Variants in SPPL3 observed in about 807,000 individuals in gnomAD.
SPPL3 encodes signal peptide peptidase like 3.
Under a neutral mutation model 42.4 loss-of-function variants are expected in SPPL3, and 5 were observed. That is an observed-to-expected ratio of 0.12 (90% CI 0.06 to 0.25). The LOEUF (loss-of-function observed/expected upper bound fraction) is 0.25. SPPL3 is among the 10% of genes least tolerant of loss of function. The pLI is 1.00. For missense variants in SPPL3, 235 were observed against 489.0 expected, an observed-to-expected ratio of 0.48 and a Z score of 4.90; for synonymous variants, 195 against 181.8, an observed-to-expected ratio of 1.07 and a Z score of -0.58.
intron 1 of SPPL3, among the ~76,000 whole-genome samples, chr12:120,886,319 G>C (rs1393090367): frequency 2.0e-5 from 3 of 152,028 alleles, no homozygotes; most frequent in Non-Finnish European, 4.4e-5. Flanking sequence ...TGATGAAAAA[G>C]GATGTGGTTT....
chr12:120,841,183 G>C (rs1312571698), intron 1 of SPPL3, among the ~76,000 whole-genome samples: 1 of 151,904 alleles, frequency 6.6e-6, no homozygotes, highest in Non-Finnish European at 1.5e-5. Flanking sequence ...AAATTAGCCA[G>C]GTGTGGTGGT....
chr12:120,768,283 C>T, intron 8 of SPPL3, 42 bp downstream of exon 8: 2 of 1,578,474 alleles, frequency 1.3e-6, no homozygotes, highest in Non-Finnish European at 1.7e-6. Flanking sequence ...AACAGATAGG[C>T]ACAGGAAGAC....
chr12:120,901,590 TAAAA>T (rs754148484), intron 1 of SPPL3, among the ~76,000 whole-genome samples: 3 of 103,426 alleles, frequency 2.9e-5, no homozygotes, highest in African/African-American at 1.1e-4. Flanking sequence ...GACTCCGTCC[TAAAA>T]AAAAAAAAAA....
chr12:120,763,290 A>T lies in SPPL3; in HGVS notation c.*1709T>A, dbSNP rs1868738524. 6.6e-6 allele frequency: 1 copy of T among 152,656 alleles called. No homozygotes were observed. The highest frequency in any genetic ancestry group is 1.9e-4 in the East Asian group (1 of 5,198). The allele number at this position is 152,656 out of a possible 1,614,324, so 9.5% of individuals were successfully genotyped here. On this transcript the variant is annotated 3_prime_UTR_variant, in exon 11 of 11. Transcript: ENST00000353487. ...AGAAACCCCTCAGCAGGAATTGATG[A>T]CAACAACAGAGGAATCCAACACCCT...
At chr12:120,781,859 G>A (rs913632428) in intron 6 of SPPL3, among the ~76,000 whole-genome samples, 1 of 151,722 alleles carries the variant, frequency 6.6e-6, no homozygotes, top group Non-Finnish European at 1.5e-5. Context: ...TTACAGGCAT[G>A]AACCACAATG....
chr12:120,856,906 T>G (rs979989293), intron 1 of SPPL3, among the ~76,000 whole-genome samples: 1 of 152,174 alleles, frequency 6.6e-6, no homozygotes, highest in Non-Finnish European at 1.5e-5. Flanking sequence ...GGAATAGCAG[T>G]TGAACTTTAA....
chr12:120,896,214 C>A (rs1873796734), intron 1 of SPPL3, among the ~76,000 whole-genome samples: 1 of 152,150 alleles, frequency 6.6e-6, no homozygotes, highest in South Asian at 2.1e-4. Context: ...AAGATACCTA[C>A]AAAAACTTTT....
chr12:120,873,196 C>T, intron 1 of SPPL3, among the ~76,000 whole-genome samples: 1 of 152,120 alleles, frequency 6.6e-6, no homozygotes, highest in South Asian at 2.1e-4. Flanking sequence ...CTGAGAGTAA[C>T]AGCAGATGAG....
intron 1 of SPPL3, among the ~76,000 whole-genome samples, chr12:120,852,800 A>G: frequency 1.0e-5 from 1 of 98,562 alleles, no homozygotes; most frequent in Non-Finnish European, 2.1e-5. Context: ...TATATCATAT[A>G]TACATATATG....
intron 1 of SPPL3, among the ~76,000 whole-genome samples, chr12:120,837,880 C>T (rs1318747478): frequency 6.6e-6 from 1 of 151,960 alleles, no homozygotes; most frequent in Admixed American, 6.6e-5. Flanking sequence ...ATGGTATAGT[C>T]TCTACTATCC....
chr12:120,780,854 G>A (rs1336218067), intron 6 of SPPL3, among the ~76,000 whole-genome samples: 5 of 151,534 alleles, frequency 3.3e-5, no homozygotes, highest in African/African-American at 9.7e-5. Context: ...AGGCTGCAGC[G>A]AGCCAAGATC....
intron 9 of SPPL3, among the ~76,000 whole-genome samples, 161 bp downstream of exon 9, chr12:120,767,233 C>T (rs1868946518): frequency 6.6e-6 from 1 of 152,190 alleles, no homozygotes; most frequent in South Asian, 2.1e-4. Context: ...CTATCCAGTA[C>T]ACAAAACACT....
chr12:120,805,776 A>C (rs745848440), intron 2 of SPPL3, among the ~76,000 whole-genome samples: 7 of 152,248 alleles, frequency 4.6e-5, no homozygotes, highest in Non-Finnish European at 1.0e-4. Context: ...AAAAGTAAAA[A>C]AATACTTAGG....
intron 1 of SPPL3, among the ~76,000 whole-genome samples, chr12:120,849,029 T>C (rs1223897384): frequency 6.6e-6 from 1 of 152,040 alleles, no homozygotes; most frequent in Non-Finnish European, 1.5e-5. Flanking sequence ...CTGGGCATGG[T>C]GGCACATGTC....
At chr12:120,806,449 T>C (rs911590282) in intron 2 of SPPL3, among the ~76,000 whole-genome samples, 13 of 152,086 alleles carry the variant, frequency 8.5e-5, no homozygotes, top group African/African-American at 2.7e-4. Flanking sequence ...GATAACCACA[T>C]TTATAAAGAT....
intron 1 of SPPL3, among the ~76,000 whole-genome samples, chr12:120,888,907 T>C (rs2137063809): frequency 1.3e-5 from 2 of 152,204 alleles, no homozygotes; most frequent in Middle Eastern, 6.8e-3. Flanking sequence ...CCTCCTGGGC[T>C]CAGGCGATTC....
chr12:120,818,362 C>T (rs1047865655), intron 1 of SPPL3, among the ~76,000 whole-genome samples: 2 of 152,156 alleles, frequency 1.3e-5, no homozygotes, highest in Non-Finnish European at 2.9e-5. Flanking sequence ...ACCACTAATT[C>T]TTTAACTACA....
chr12:120,863,805 CTTTTT>C (rs34937059), intron 1 of SPPL3, among the ~76,000 whole-genome samples: 4 of 141,984 alleles, frequency 2.8e-5, no homozygotes, highest in Non-Finnish European at 3.0e-5. Flanking sequence ...CCACATTTAG[CTTTTT>C]TTTTTTTTTT....
intron 1 of SPPL3, among the ~76,000 whole-genome samples, chr12:120,852,995 A>C (rs1055790763): frequency 2.6e-5 from 4 of 151,146 alleles, no homozygotes; most frequent in Admixed American, 2.0e-4. Flanking sequence ...CTTGGGTTCA[A>C]GCGATTCTCC....
Sources: gnomAD v4.1 joint callset for allele counts (sites outside exome capture counted in the v4.1 genomes callset) on GRCh38, gnomAD v4.1.1 for gene constraint, MANE v1.5 for transcripts, NCBI Gene and HGNC (gene_info 2026-07-23, HGNC 2026-07-21) for gene names.